ARMC9: variants seen among roughly 807,000 people sequenced by gnomAD.
ARMC9 encodes the protein lisH domain-containing protein ARMC9.
A neutral mutation model predicts 107.0 loss-of-function variants in ARMC9; 94 were observed. The observed-to-expected ratio is 0.88, with a 90% CI of 0.74 to 1.04. The LOEUF (loss-of-function observed/expected upper bound fraction) is 1.04. Among genes scored for constraint, ARMC9 ranks in the 50% least tolerant of loss-of-function variants. The pLI is 0.00. For missense variants in ARMC9, 942 were observed against 1,030.1 expected (o/e 0.91, Z 1.17); for synonymous variants, 380 against 396.9 (o/e 0.96, Z 0.51).
intron 24 of ARMC9, 54 bp downstream of exon 24, chr2:231,370,179 A>G: frequency 6.9e-7 from 1 of 1,455,738 alleles, no homozygotes; most frequent in Non-Finnish European, 9.1e-7. Flanking sequence ...GCCAACCTGC[A>G]GGGAAGGGCA....
At chr2:231,231,629 T>C (rs2035228420) in intron 7 of ARMC9, among the ~76,000 whole-genome samples, 1 of 151,698 alleles carries the variant, frequency 6.6e-6, no homozygotes, top group African/African-American at 2.4e-5. Context: ...AGCAATTCAA[T>C]CGCCTTGGCT....
rs1447222153 is a variant in ARMC9 at position 231,361,455 on chromosome 2, A to G, written c.2261+572A>G. Among the ~76,000 whole-genome samples, 5 of 149,450 alleles carry G rather than the reference A, an allele frequency of 3.3e-5. No individual in the cohort carries two copies. The East Asian group carries it at 9.7e-4, about 29-fold the overall frequency. The stretch of plus-strand genomic sequence containing the variant: ...GTCTCAAAAAAAAAAAAAAAATCAA[A>G]AAACTAAAAAAAAAAAAAGAAAAGA... On this transcript the variant is annotated intron_variant, in intron 23 of 24. Coordinates refer to ENST00000611582, the MANE Select transcript of ARMC9 (RefSeq NM_001352754.2).
chr2:231,277,871 T>TAA (rs1470864608), intron 15 of ARMC9, among the ~76,000 whole-genome samples: 1 of 152,206 alleles, frequency 6.6e-6, no homozygotes, highest in East Asian at 1.9e-4. Flanking sequence ...CCAAAAGTCC[T>TAA]AACTTCTAAT....
At chr2:231,313,899 G>A (rs2042502312) in intron 19 of ARMC9, among the ~76,000 whole-genome samples, 1 of 150,948 alleles carries the variant, frequency 6.6e-6, no homozygotes, top group African/African-American at 2.4e-5. Flanking sequence ...GGAACTGCAG[G>A]TGTGTGCCAC....
intron 19 of ARMC9, among the ~76,000 whole-genome samples, chr2:231,324,454 T>TAAAA (rs148497346): frequency 7.7e-6 from 1 of 129,426 alleles, no homozygotes; most frequent in African/African-American, 2.8e-5. Context: ...TTGTTTTAAT[T>TAAAA]AAAAAAAAAA....
At chr2:231,363,564 A>G (rs2045678886) in intron 23 of ARMC9, among the ~76,000 whole-genome samples, 1 of 152,162 alleles carries the variant, frequency 6.6e-6, no homozygotes, top group South Asian at 2.1e-4. Flanking sequence ...GTCTTGCTGT[A>G]AAATTACTTT....
intron 19 of ARMC9, among the ~76,000 whole-genome samples, chr2:231,302,700 A>G (rs953494316): frequency 3.3e-5 from 5 of 152,142 alleles, no homozygotes. Context: ...TTAGAAACCA[A>G]TTTTAAATAT....
intron 4 of ARMC9, 193 bp downstream of exon 4, chr2:231,215,194 A>T (rs926139197): frequency 1.7e-6 from 1 of 577,380 alleles, no homozygotes; most frequent in African/African-American, 1.9e-5. Context: ...TTCTATGGAG[A>T]TTTAATAATT....
intron 19 of ARMC9, among the ~76,000 whole-genome samples, chr2:231,312,222 G>T (rs561744347): frequency 6.6e-6 from 1 of 152,214 alleles, no homozygotes; most frequent in Non-Finnish European, 1.5e-5. Context: ...GGTGCAGGCT[G>T]CCAGTGCAGT....
intron 8 of ARMC9, among the ~76,000 whole-genome samples, chr2:231,238,098 G>T (rs1024375899): frequency 3.3e-5 from 5 of 151,882 alleles, no homozygotes; most frequent in Admixed American, 2.6e-4. Flanking sequence ...TGGTCACATT[G>T]TATTGAAAGT....
At chr2:231,355,342 AG>A (rs1455786488) in intron 21 of ARMC9, among the ~76,000 whole-genome samples, 1 of 152,228 alleles carries the variant, frequency 6.6e-6, no homozygotes, top group African/African-American at 2.4e-5. Flanking sequence ...CCTGTCTCTA[AG>A]AAAAAAAGAA....
intron 12 of ARMC9, among the ~76,000 whole-genome samples, chr2:231,264,121 C>CT (rs781541604): frequency 1.3e-5 from 2 of 152,074 alleles, no homozygotes; most frequent in Non-Finnish European, 2.9e-5. Context: ...GCAGTGACCT[C>CT]TATAGCCATT....
chr2:231,360,828 A>AC lies in ARMC9; in HGVS notation c.2212dup (p.Arg738ProfsTer230), dbSNP rs1247576387. On this transcript the variant is annotated frameshift_variant, in exon 23 of 25. Transcript: ENST00000611582. LOFTEE classifies it high-confidence loss of function. The surrounding 1 kb of genome is among the most constrained non-coding windows in gnomAD (Gnocchi z 4.7). ...AGAGCCTCGCCCAGCCCCCACGGGG[A>AC]CCCCCCGCCAGCCAAGGGAGGCGCC... The AC allele has an allele frequency of 2.6e-6, 4 of 1,535,568 alleles. No individual in the cohort carries two copies. Among genetic ancestry groups the AC allele is most frequent in the East Asian group, 2.4e-5 (1 of 40,908 alleles).
intron 22 of ARMC9, among the ~76,000 whole-genome samples, chr2:231,359,034 G>A (rs886171233): frequency 3.1e-4 from 47 of 151,174 alleles, no homozygotes; most frequent in African/African-American, 1.1e-3. Context: ...CACACCCATG[G>A]CTGCCCCATC....
intron 19 of ARMC9, among the ~76,000 whole-genome samples, chr2:231,311,683 T>A (rs907894990): frequency 7.0e-6 from 1 of 142,674 alleles, no homozygotes; most frequent in African/African-American, 2.7e-5. Context: ...GGAGTGAGAA[T>A]CGCTTGAATC....
At chr2:231,346,619 A>T (rs1057425437) in intron 21 of ARMC9, among the ~76,000 whole-genome samples, 1 of 152,236 alleles carries the variant, frequency 6.6e-6, no homozygotes, top group Non-Finnish European at 1.5e-5. Context: ...TATGATACAT[A>T]ATTTACATGC....
chr2:231,357,549 CT>C (rs1333981175), intron 22 of ARMC9, among the ~76,000 whole-genome samples: 1 of 151,756 alleles, frequency 6.6e-6, no homozygotes, highest in Non-Finnish European at 1.5e-5. Context: ...GCCAACACCC[CT>C]AGTCCTCCTT....
chr2:231,354,814 G>C (rs1025762529), intron 21 of ARMC9, among the ~76,000 whole-genome samples: 1 of 152,208 alleles, frequency 6.6e-6, no homozygotes, highest in South Asian at 2.1e-4. Context: ...AAGGGGGAGC[G>C]AGGGCTCCGT....
Position 231,206,410 on chromosome 2 carries a change from TTTC to T in ARMC9, c.51+123_51+125del, listed in dbSNP as rs2125306184. ...CTTCTATTGTTATGTTGGAGCTATT[TTTC>T]TATTATATAATATTCCATGTATTTA... On this transcript the variant is annotated intron_variant, in intron 2 of 24. Coordinates refer to ENST00000611582, the MANE Select transcript of ARMC9 (RefSeq NM_001352754.2). 7.2e-6 allele frequency: 6 copies of T among 830,180 alleles called. No homozygotes were observed. The South Asian group carries it at 1.2e-4, about 16-fold the overall frequency. 51.4% of individuals were successfully genotyped at this position (830,180 alleles called of 1,614,324 possible). A position where few individuals can be genotyped will look rare whatever the true frequency, so the allele number is the denominator to read the frequency against.
Sources: gnomAD v4.1 joint callset for allele counts (sites outside exome capture counted in the v4.1 genomes callset) on GRCh38, gnomAD v4.1.1 for gene constraint, Gnocchi (gnomAD v3.1) non-coding constraint, MANE v1.5 for transcripts, NCBI Gene and HGNC (gene_info 2026-07-23, HGNC 2026-07-21) for gene names.